CDH13: variants seen among roughly 807,000 people sequenced by gnomAD.
CDH13 encodes cadherin-13.
In CDH13, 24 loss-of-function variants were observed where a neutral mutation model predicts 63.8. The observed-to-expected ratio is 0.38, with a 90% CI of 0.27 to 0.53. The LOEUF (loss-of-function observed/expected upper bound fraction) is 0.53, where lower values mean the gene tolerates loss of function less well. Ranked by LOEUF, CDH13 falls within the 20% of genes least tolerant of loss-of-function variation. The probability of loss-of-function intolerance (pLI) is 0.85; values close to 1 mark genes in which losing one functional copy is unlikely to be tolerated. For synonymous variants in CDH13, 503 were observed against 355.3 expected (o/e 1.42, Z -4.67); for missense variants, 1,049 against 903.1 (o/e 1.16, Z -2.07).
At chr16:82,872,928 G>A (rs2040393030) in intron 2 of CDH13, among the ~76,000 whole-genome samples, 1 of 152,194 alleles carries the variant, frequency 6.6e-6, no homozygotes, top group African/African-American at 2.4e-5. Context: ...GTGGAGCTTT[G>A]ATGATATCAG....
At chr16:83,288,352 G>C (rs1016844794) in intron 5 of CDH13, among the ~76,000 whole-genome samples, 9 of 152,324 alleles carry the variant, frequency 5.9e-5, no homozygotes, top group African/African-American at 2.2e-4. Context: ...GAGCAAAGAG[G>C]TTAAATGACT....
In CDH13 at chr16:82,887,902, T is replaced by G. The variant is rs112067881; in HGVS notation, c.157+29429T>G. On this transcript the variant is annotated intron_variant, in intron 2 of 13. Coordinates refer to ENST00000567109, the MANE Select transcript of CDH13 (RefSeq NM_001257.5). ...ACCCAGCCTCCCTAGCAACCCAAGG[T>G]TAAGAACGTGTTGAAAACAGCATGG... is the stretch of plus-strand genomic sequence containing the variant. 8.2e-3 allele frequency among the ~76,000 whole-genome samples: 1,242 copies of G among 152,048 alleles called. 12 individuals are homozygous for G. Among genetic ancestry groups the G allele is most frequent in the African/African-American group, 0.027 (1,127 of 41,472 alleles).
intron 7 of CDH13, among the ~76,000 whole-genome samples, chr16:83,502,814 C>T (rs2074311613): frequency 6.6e-6 from 1 of 152,192 alleles, no homozygotes; most frequent in African/African-American, 2.4e-5. Flanking sequence ...CTTGAGATGA[C>T]ACAGGAGTGT....
intron 7 of CDH13, among the ~76,000 whole-genome samples, chr16:83,576,340 T>G (rs1905083403): frequency 6.6e-6 from 1 of 152,266 alleles, no homozygotes; most frequent in African/African-American, 2.4e-5. Context: ...GCATCAGTAT[T>G]TCATCCCTTT....
At chr16:83,223,124 C>T (rs781128153) in intron 5 of CDH13, among the ~76,000 whole-genome samples, 1 of 152,184 alleles carries the variant, frequency 6.6e-6, no homozygotes, top group Non-Finnish European at 1.5e-5. Context: ...ACTGCTGTAA[C>T]AAAATATCGG....
intron 3 of CDH13, among the ~76,000 whole-genome samples, chr16:83,097,384 T>C (rs1337587732): frequency 6.6e-6 from 1 of 152,238 alleles, no homozygotes; most frequent in Non-Finnish European, 1.5e-5. Context: ...CTGCCAAATA[T>C]AACACTAGTC....
intron 6 of CDH13, among the ~76,000 whole-genome samples, chr16:83,445,697 C>A (rs533897176): frequency 6.6e-6 from 1 of 152,130 alleles, no homozygotes; most frequent in African/African-American, 2.4e-5. Context: ...GTTTTCATCA[C>A]GTGGCTAAGT....
At chr16:83,738,717 C>G (rs1398518080) in intron 10 of CDH13, among the ~76,000 whole-genome samples, 1 of 152,156 alleles carries the variant, frequency 6.6e-6, no homozygotes, top group Non-Finnish European at 1.5e-5. Context: ...ACCAGCCTGG[C>G]CAACATAGTG....
At chr16:83,133,569 G>A (rs1246506564) in intron 4 of CDH13, among the ~76,000 whole-genome samples, 1 of 152,132 alleles carries the variant, frequency 6.6e-6, no homozygotes, top group Non-Finnish European at 1.5e-5. Flanking sequence ...CGTGATCTGT[G>A]CTCACTGCAA....
intron 7 of CDH13, among the ~76,000 whole-genome samples, chr16:83,593,279 C>T (rs9930794): frequency 0.27 from 41,058 of 152,064 alleles, 7,022 homozygotes; most frequent in African/African-American, 0.49. Context: ...ATTAACGATA[C>T]CTTAAATGTT....
At chr16:83,146,656 C>T (rs1051784105) in intron 4 of CDH13, among the ~76,000 whole-genome samples, 1 of 152,240 alleles carries the variant, frequency 6.6e-6, no homozygotes, top group Non-Finnish European at 1.5e-5. Context: ...GCATCCCTAA[C>T]TGCAGCAGCA....
intron 2 of CDH13, among the ~76,000 whole-genome samples, chr16:83,016,524 G>T (rs1421905823): frequency 6.6e-6 from 1 of 152,190 alleles, no homozygotes; most frequent in Non-Finnish European, 1.5e-5. Context: ...TAGGTCAGGA[G>T]AAAATTTTCA....
At chr16:83,660,229 A>T (rs1347248647) in intron 8 of CDH13, among the ~76,000 whole-genome samples, 6 of 152,182 alleles carry the variant, frequency 3.9e-5, no homozygotes, top group Admixed American at 3.9e-4. Context: ...ACATTGTAAT[A>T]TACAATGACA....
intron 1 of CDH13, among the ~76,000 whole-genome samples, chr16:82,642,091 CA>C (rs373359175): frequency 0.28 from 30,689 of 110,266 alleles, 2,944 homozygotes; most frequent in African/African-American, 0.36. Flanking sequence ...TCATGGAGGG[CA>C]AAAAAAAAAA....
intron 5 of CDH13, among the ~76,000 whole-genome samples, chr16:83,310,625 C>G (rs2089978843): frequency 6.6e-6 from 1 of 152,208 alleles, no homozygotes; most frequent in East Asian, 1.9e-4. Context: ...CCTTTGCTCA[C>G]TTGGCTTCCT....
chr16:82,746,214 GTTTATATATATGTGTTTATA>G (rs2034161574), intron 1 of CDH13, among the ~76,000 whole-genome samples: 1 of 87,076 alleles, frequency 1.1e-5, no homozygotes, highest in South Asian at 4.8e-4. Context: ...TAAACACACT[GTTTATATATATGTGTTTATA>G]TATAAACACA....
intron 1 of CDH13, among the ~76,000 whole-genome samples, chr16:82,797,229 A>G (rs1024976328): frequency 5.3e-5 from 8 of 152,136 alleles, no homozygotes; most frequent in African/African-American, 1.9e-4. Context: ...TTTGCTGTAC[A>G]CTGTGTGTTA....
At chr16:82,669,847 T>C (rs1186133228) in intron 1 of CDH13, among the ~76,000 whole-genome samples, 1 of 152,220 alleles carries the variant, frequency 6.6e-6, no homozygotes, top group Non-Finnish European at 1.5e-5. Context: ...TTTAGGGAGT[T>C]GACAAATGGA....
intron 1 of CDH13, among the ~76,000 whole-genome samples, chr16:82,737,896 T>A (rs975581703): frequency 7.9e-5 from 12 of 152,246 alleles, no homozygotes; most frequent in African/African-American, 2.9e-4. Context: ...ATCAGCTTCA[T>A]AATCAAGGCT....
Sources: allele counts gnomAD v4.1 joint callset (sites outside exome capture counted in the v4.1 genomes callset), GRCh38; gene constraint gnomAD v4.1.1; transcripts MANE v1.5; gene names NCBI Gene and HGNC (gene_info 2026-07-23, HGNC 2026-07-21).